Variants in EML1 observed in about 807,000 individuals in gnomAD.
EML1 encodes the protein EMAP like 1.
EML1 carries 27 observed loss-of-function variants against 110.4 expected under a neutral mutation model. The observed-to-expected ratio is 0.24, with a 90% confidence interval of 0.18 to 0.34. EML1 has a LOEUF of 0.34. EML1 is among the 10% of genes least tolerant of loss of function. The pLI is 1.00. For synonymous variants in EML1, 344 were observed against 385.8 expected (o/e 0.89, Z 1.27); for missense variants, 741 against 1,030.9 (o/e 0.72, Z 3.85).
At chr14:99,842,268 G>A (rs1300070222) in intron 1 of EML1, among the ~76,000 whole-genome samples, 1 of 152,192 alleles carries the variant, frequency 6.6e-6, no homozygotes, top group African/African-American at 2.4e-5. Flanking sequence ...GTTGGTTAAA[G>A]CAAGCTTTAG....
intron 1 of EML1, among the ~76,000 whole-genome samples, chr14:99,741,631 C>G (rs902077816): frequency 2.0e-5 from 3 of 151,914 alleles, no homozygotes; most frequent in Non-Finnish European, 4.4e-5. Context: ...TGCGCCCACC[C>G]CCCCCCAGAC....
chr14:99,908,146 G>A (rs2140041690), intron 10 of EML1, among the ~76,000 whole-genome samples: 1 of 152,348 alleles, frequency 6.6e-6, no homozygotes, highest in East Asian at 1.9e-4. Flanking sequence ...GGGCAGGTAT[G>A]GGCAGGGGCC....
intron 19 of EML1, among the ~76,000 whole-genome samples, chr14:99,937,105 G>T (rs901599583): frequency 7.9e-5 from 12 of 152,184 alleles, no homozygotes; most frequent in African/African-American, 2.7e-4. Flanking sequence ...AGCCCACGGG[G>T]GTGGGCGGGT....
intron 2 of EML1, among the ~76,000 whole-genome samples, chr14:99,856,333 T>C (rs1429354503): frequency 6.6e-6 from 1 of 152,252 alleles, no homozygotes; most frequent in Non-Finnish European, 1.5e-5. Context: ...TTTCAAGGTT[T>C]AATTTGATTT....
rs185082518 is a variant in EML1, at chr14:99,839,954, G to A, written c.68-10899G>A. 1.9e-3 allele frequency among the ~76,000 whole-genome samples: 283 copies of A among 152,332 alleles called. 1 individual carries two copies. The highest frequency in any genetic ancestry group is 5.6e-3 in the African/African-American group (231 of 41,584). ...AGCCAGGAGTGGTACGCAGGGCTGCGAATCTGACAGCAAGGCCGAAATCCA... is the reference window on the plus strand; with the variant it reads ...AGCCAGGAGTGGTACGCAGGGCTGCAAATCTGACAGCAAGGCCGAAATCCA... On this transcript the variant is annotated intron_variant, in intron 1 of 21. Transcript: ENST00000262233.
intron 17 of EML1, among the ~76,000 whole-genome samples, chr14:99,927,928 T>A: frequency 6.6e-6 from 1 of 151,168 alleles, no homozygotes; most frequent in Non-Finnish European, 1.5e-5. Context: ...GTGGTGGTGG[T>A]GATGGTGGTG....
At chr14:99,809,760 C>T in intron 1 of EML1, 1 of 455,494 alleles carries the variant, frequency 2.2e-6, no homozygotes, top group Non-Finnish European at 4.4e-6. Flanking sequence ...TGAATTGAAA[C>T]ATGTGGCTTT....
chr14:99,753,417 C>T (rs1304913606), intron 1 of EML1, among the ~76,000 whole-genome samples: 2 of 151,846 alleles, frequency 1.3e-5, no homozygotes, highest in Non-Finnish European at 2.9e-5. Context: ...GCCCAGGACC[C>T]GCCCTCACCT....
At chr14:99,754,139 A>G (rs56075970) in intron 1 of EML1, among the ~76,000 whole-genome samples, 7,899 of 152,304 alleles carry the variant, frequency 0.052, 437 homozygotes, top group African/African-American at 0.14. Flanking sequence ...AAGTGGCTCA[A>G]CCCTGGGTTG....
chr14:99,929,669 C>T (rs2060330224), intron 17 of EML1, among the ~76,000 whole-genome samples: 1 of 152,152 alleles, frequency 6.6e-6, no homozygotes, highest in African/African-American at 2.4e-5. Context: ...GGATTACTAT[C>T]TCATTTTTGG....
intron 3 of EML1, among the ~76,000 whole-genome samples, chr14:99,873,609 G>C (rs1161493434): frequency 1.3e-5 from 2 of 152,166 alleles, no homozygotes; most frequent in African/African-American, 4.8e-5. Flanking sequence ...GAAGTGATAT[G>C]GTTCTCCCCA....
At chr14:99,851,711 A>C (rs954279062) in intron 2 of EML1, among the ~76,000 whole-genome samples, 1 of 151,882 alleles carries the variant, frequency 6.6e-6, no homozygotes, top group Non-Finnish European at 1.5e-5. Flanking sequence ...CTTTTTTTTG[A>C]AAACTGTTAT....
rs546172862 is a variant in EML1, at chr14:99,819,720, A to G, written c.67+26177A>G. 4.3e-4 allele frequency among the ~76,000 whole-genome samples: 66 copies of G among 152,256 alleles called. 2 individuals carry two copies. In the South Asian group the frequency reaches 0.013, roughly 29 times the overall value. Reference sequence around the variant, plus strand: ...GTTTCCCTCCGTGGTGGGAGGGGTGAAGCAGACATGGGAGGGGGAAAAGGC... The same window carrying G: ...GTTTCCCTCCGTGGTGGGAGGGGTGGAGCAGACATGGGAGGGGGAAAAGGC... On this transcript the variant is annotated intron_variant, in intron 1 of 21. Transcript: ENST00000262233.
upstream of EML1, among the ~76,000 whole-genome samples, chr14:99,772,024 C>T (rs1194697517): frequency 6.6e-6 from 1 of 152,102 alleles, no homozygotes; most frequent in African/African-American, 2.4e-5. Context: ...TGGTATGTGT[C>T]GATTGACCGT....
intron 9 of EML1, chr14:99,907,416 A>C: frequency 1.8e-6 from 1 of 543,204 alleles, no homozygotes; most frequent in South Asian, 2.4e-5. Flanking sequence ...TGCAGAGAGC[A>C]ATGATTGCAC....
At chr14:99,835,391 A>C (rs1017905120) in intron 1 of EML1, among the ~76,000 whole-genome samples, 2 of 151,752 alleles carry the variant, frequency 1.3e-5, no homozygotes, top group African/African-American at 4.8e-5. Context: ...TAGGTTTGCA[A>C]ATTTTATTTT....
At chr14:99,899,154 C>A (rs1020570270) in intron 8 of EML1, among the ~76,000 whole-genome samples, 2 of 151,434 alleles carry the variant, frequency 1.3e-5, no homozygotes, top group Non-Finnish European at 2.9e-5. Flanking sequence ...TTGATATCTA[C>A]TTTTATATAG....
At chr14:99,852,580 G>A (rs371408270) in intron 2 of EML1, among the ~76,000 whole-genome samples, 173 of 152,242 alleles carry the variant, frequency 1.1e-3, no homozygotes, top group African/African-American at 3.5e-3. Flanking sequence ...CACTCCAGCC[G>A]GGTGACAGAG....
chr14:99,915,828 C>G lies in EML1; in HGVS notation c.1752+1131C>G, dbSNP rs184236981. ...ATCCCATTGCACAGAGGAAATAGCC[C>G]TTCTGTAAACCAACACATCATCCTT... On this transcript the variant is annotated intron_variant, in intron 15 of 21. Coordinates refer to ENST00000262233, the MANE Select transcript of EML1 (RefSeq NM_004434.3). 2.5e-3 allele frequency among the ~76,000 whole-genome samples: 385 copies of G among 152,318 alleles called. 6 individuals are homozygous for G. The highest frequency in any genetic ancestry group is 8.4e-3 in the Admixed American group (128 of 15,308).
Sources: allele counts gnomAD v4.1 joint callset (sites outside exome capture counted in the v4.1 genomes callset), GRCh38; gene constraint gnomAD v4.1.1; transcripts MANE v1.5; gene names NCBI Gene and HGNC (gene_info 2026-07-23, HGNC 2026-07-21).